The following MSI2 variants were observed in gnomAD, a reference collection of about 807,000 sequenced individuals.
The protein encoded by MSI2 is RNA-binding protein Musashi homolog 2.
MSI2 carries 17 observed loss-of-function variants against 45.6 expected under a neutral mutation model. The ratio of observed to expected loss-of-function variants is 0.37; its 90% CI spans 0.26 to 0.56. MSI2 has a LOEUF of 0.56. MSI2 is among the 20% of genes least tolerant of loss of function. The probability of loss-of-function intolerance (pLI) is 0.77; values close to 1 mark genes in which losing one functional copy is unlikely to be tolerated. For missense variants in MSI2, 293 were observed against 444.2 expected (o/e 0.66, Z 3.06); for synonymous variants, 156 against 158.2 (o/e 0.99, Z 0.11).
chr17:57,468,474 T>C (rs2085370849), intron 6 of MSI2, among the ~76,000 whole-genome samples: 1 of 148,236 alleles, frequency 6.7e-6, no homozygotes, highest in African/African-American at 2.5e-5. Context: ...TGAGCCAAGA[T>C]TGCGCCACTG....
At chr17:57,597,906 C>A (rs1333330914) in intron 8 of MSI2, among the ~76,000 whole-genome samples, 1 of 152,222 alleles carries the variant, frequency 6.6e-6, no homozygotes, top group East Asian at 1.9e-4. Flanking sequence ...CTCTCTTTGG[C>A]TCTTTAAAGT....
intron 4 of MSI2, 26 bp from the exon 5 acceptor site, chr17:57,262,125 T>C: frequency 6.2e-7 from 1 of 1,613,534 alleles, no homozygotes; most frequent in Non-Finnish European, 8.5e-7. Context: ...CTTTATTGAC[T>C]CCTGCTTTTC....
intron 6 of MSI2, among the ~76,000 whole-genome samples, chr17:57,526,001 T>G (rs2086688453): frequency 1.3e-5 from 2 of 151,954 alleles, no homozygotes; most frequent in Non-Finnish European, 2.9e-5. Context: ...CCAAGGTAGG[T>G]GGATCACAAG....
chr17:57,285,862 G>T, intron 5 of MSI2: 1 of 1,512,992 alleles, frequency 6.6e-7, no homozygotes, highest in South Asian at 1.3e-5. Flanking sequence ...GTGTAGTTCT[G>T]ATTTTCCGAA....
intron 7 of MSI2, among the ~76,000 whole-genome samples, chr17:57,583,280 AG>A (rs1328958966): frequency 6.6e-6 from 1 of 152,240 alleles, no homozygotes; most frequent in Non-Finnish European, 1.5e-5. Flanking sequence ...AGCTGTGCTC[AG>A]GTGAGTAAAT....
At chr17:57,299,979 G>A (rs1192293710) in intron 5 of MSI2, among the ~76,000 whole-genome samples, 3 of 152,162 alleles carry the variant, frequency 2.0e-5, no homozygotes, top group Non-Finnish European at 4.4e-5. Context: ...GGCCTTCGGG[G>A]ATGCAGGGAG....
chr17:57,455,850 A>ACACAGG (rs1186911037), intron 6 of MSI2, among the ~76,000 whole-genome samples: 3 of 152,220 alleles, frequency 2.0e-5, no homozygotes, highest in Admixed American at 1.3e-4. Context: ...CGCAGCACGC[A>ACACAGG]CACAGGCACA....
At chr17:57,358,977 C>T (rs947227823) in intron 5 of MSI2, among the ~76,000 whole-genome samples, 4 of 152,150 alleles carry the variant, frequency 2.6e-5, no homozygotes, top group African/African-American at 4.8e-5. Flanking sequence ...CAACTCTGTT[C>T]ACCCACAAAA....
chr17:57,675,547 C>T lies in MSI2; in HGVS notation c.945+421C>T, dbSNP rs531508571. On this transcript the variant is annotated intron_variant, in intron 12 of 13. Coordinates refer to ENST00000284073, the MANE Select transcript of MSI2 (RefSeq NM_138962.4). ...AGTAGTGGCCACCTTCCTTGATCCC[C>T]GCTTTCTGGACACTGTCATGTGGGC... Among the ~76,000 whole-genome samples, 9 of 152,316 alleles carry T rather than the reference C, an allele frequency of 5.9e-5. No individual in the cohort carries two copies. The East Asian group carries it at 1.2e-3, about 20-fold the overall frequency.
intron 5 of MSI2, among the ~76,000 whole-genome samples, chr17:57,270,850 T>C (rs1908294299): frequency 6.6e-6 from 1 of 152,172 alleles, no homozygotes; most frequent in African/African-American, 2.4e-5. Context: ...TGTTGCTCCT[T>C]TCTAGGGTGA....
intron 6 of MSI2, among the ~76,000 whole-genome samples, chr17:57,474,885 A>G (rs2085509262): frequency 6.6e-6 from 1 of 151,638 alleles, no homozygotes; most frequent in East Asian, 1.9e-4. Flanking sequence ...CCCCTGGCTA[A>G]TTTTCTTGTA....
intron 6 of MSI2, among the ~76,000 whole-genome samples, chr17:57,431,554 G>A (rs2084594720): frequency 6.6e-6 from 1 of 152,166 alleles, no homozygotes; most frequent in South Asian, 2.1e-4. Flanking sequence ...GGTTACTGGA[G>A]GCCAGAGGCA....
chr17:57,444,048 C>T (rs541014550), intron 6 of MSI2, among the ~76,000 whole-genome samples: 4 of 152,254 alleles, frequency 2.6e-5, no homozygotes, highest in African/African-American at 9.6e-5. Context: ...AGACAAGAAA[C>T]GGGAGAACCT....
chr17:57,262,071 G>C, intron 4 of MSI2, 80 bp from the exon 5 acceptor site: 1 of 1,422,312 alleles, frequency 7.0e-7, no homozygotes, highest in Non-Finnish European at 9.9e-7. Flanking sequence ...AGAAATGAGT[G>C]ATTAATAATT....
At chr17:57,358,137 C>T (rs1422915880) in intron 5 of MSI2, among the ~76,000 whole-genome samples, 1 of 151,982 alleles carries the variant, frequency 6.6e-6, no homozygotes, top group Non-Finnish European at 1.5e-5. Flanking sequence ...AGAAAAGCAT[C>T]AGTGAAAAGT....
chr17:57,272,411 G>A (rs977346901), intron 5 of MSI2, among the ~76,000 whole-genome samples: 2 of 152,164 alleles, frequency 1.3e-5, no homozygotes, highest in African/African-American at 4.8e-5. Flanking sequence ...AGTGTGAAAA[G>A]TCAATATTCT....
At chr17:57,454,705 G>A (rs1055915952) in intron 6 of MSI2, among the ~76,000 whole-genome samples, 10 of 152,196 alleles carry the variant, frequency 6.6e-5, no homozygotes, top group Admixed American at 3.9e-4. Flanking sequence ...AAAGTGCTGG[G>A]ATTGCAGGCG....
At position 57,596,259 on chromosome 17, in the gene MSI2, C is replaced by T. The variant is rs996988054; in HGVS notation, c.455-609C>T. Among the ~76,000 whole-genome samples the T allele has an allele frequency of 3.3e-5, 5 of 152,314 alleles. No homozygotes were observed. Among genetic ancestry groups the T allele is most frequent in the South Asian group, 2.1e-4 (1 of 4,824 alleles). ...CAGAGTACATACAGTGGATAGCTGA[C>T]GGGCTGACAGCAGGCATCAAACAGT... On this transcript the variant is annotated intron_variant, in intron 7 of 13. Coordinates refer to ENST00000284073, the MANE Select transcript of MSI2 (RefSeq NM_138962.4). This position sits in a 1 kb window ranked among gnomAD's most constrained non-coding sequence, Gnocchi z 4.6.
chr17:57,370,597 CA>C, intron 5 of MSI2, among the ~76,000 whole-genome samples: 1 of 152,288 alleles, frequency 6.6e-6, no homozygotes, highest in East Asian at 1.9e-4. Context: ...CAGTTGACCA[CA>C]AGATGTTTCT....
Sources: gnomAD v4.1 joint callset for allele counts (sites outside exome capture counted in the v4.1 genomes callset) on GRCh38, gnomAD v4.1.1 for gene constraint, Gnocchi (gnomAD v3.1) non-coding constraint, MANE v1.5 for transcripts, NCBI Gene and HGNC (gene_info 2026-07-23, HGNC 2026-07-21) for gene names.